Variants in INPP5D observed in about 807,000 individuals in gnomAD.
The protein encoded by INPP5D is inositol polyphosphate-5-phosphatase D, also known as phosphatidylinositol 3,4,5-trisphosphate 5-phosphatase 1.
INPP5D carries 33 observed loss-of-function variants against 122.9 expected under a neutral mutation model. That is an observed-to-expected ratio of 0.27 (90% CI 0.20 to 0.36). The LOEUF is 0.36. Among genes scored for constraint, INPP5D ranks in the 10% least tolerant of loss-of-function variants. The probability of loss-of-function intolerance (pLI) is 1.00; values close to 1 mark genes in which losing one functional copy is unlikely to be tolerated. For synonymous variants in INPP5D, 584 were observed against 576.2 expected, an observed-to-expected ratio of 1.01 and a Z score of -0.19; for missense variants, 1,053 against 1,412.7, an observed-to-expected ratio of 0.75 and a Z score of 4.08.
At chr2:233,087,391 G>A (rs996372072) in intron 2 of INPP5D, among the ~76,000 whole-genome samples, 21 of 152,006 alleles carry the variant, frequency 1.4e-4, no homozygotes, top group African/African-American at 4.3e-4. Flanking sequence ...GCACAATCTC[G>A]GCTCAGCTCA....
At position 233,170,523 on chromosome 2, in the gene INPP5D, A is replaced by C; in HGVS notation, c.1819A>C (p.Lys607Gln). The C allele has an allele frequency of 6.2e-7, 1 of 1,613,680 alleles. No homozygotes were observed. The highest frequency in any genetic ancestry group is 1.1e-5 in the South Asian group (1 of 91,060). ...WEAETIIQKI[K>Q]QQQYADLLSH... ...GGCAGAAACCATCATCCAGAAAATC[A>C]AGCAGCAGCAGTACGCAGACCTCCT... The change falls in exon 16 of 27, where the codon AAG becomes CAG. Residue 607 changes from lysine to glutamine, a missense_variant. By Grantham distance (53) the Lys-to-Gln change is moderately conservative. Coordinates refer to ENST00000445964, the MANE Select transcript of INPP5D (RefSeq NM_001017915.3). The surrounding 1 kb of genome is among the most constrained non-coding windows in gnomAD (Gnocchi z 4.5).
intron 25 of INPP5D, among the ~76,000 whole-genome samples, chr2:233,199,949 C>A (rs896771579): frequency 7.9e-5 from 12 of 152,216 alleles, no homozygotes; most frequent in African/African-American, 2.4e-4. Context: ...CCCTCCAGTT[C>A]CCCTCTTTTT....
chr2:233,187,323 C>T (rs992875850), intron 21 of INPP5D, among the ~76,000 whole-genome samples: 4 of 152,138 alleles, frequency 2.6e-5, no homozygotes, highest in African/African-American at 9.7e-5. Context: ...GTTTCTTTCT[C>T]GCACCATGAG....
intron 2 of INPP5D, among the ~76,000 whole-genome samples, chr2:233,108,454 G>A (rs116105440): frequency 0.023 from 3,480 of 152,312 alleles, 102 homozygotes; most frequent in African/African-American, 0.075. Flanking sequence ...AATATAAATT[G>A]CATCACATAT....
At chr2:233,118,483 G>T (rs1335714837) in intron 2 of INPP5D, among the ~76,000 whole-genome samples, 1 of 152,182 alleles carries the variant, frequency 6.6e-6, no homozygotes, top group Non-Finnish European at 1.5e-5. Flanking sequence ...TCCTGTTCTA[G>T]AATGTGCTTT....
chr2:233,139,530 C>T (rs921074638), intron 5 of INPP5D, among the ~76,000 whole-genome samples: 3 of 150,220 alleles, frequency 2.0e-5, no homozygotes, highest in African/African-American at 7.4e-5. Context: ...AGGTTGGGAA[C>T]CATGGATAAC....
chr2:233,116,105 G>T (rs543992280), intron 2 of INPP5D, among the ~76,000 whole-genome samples: 1 of 152,006 alleles, frequency 6.6e-6, no homozygotes, highest in South Asian at 2.1e-4. Flanking sequence ...TTGTTTGTTT[G>T]TTTTTTCTGC....
chr2:233,184,276 G>C lies in INPP5D; in HGVS notation c.2162-132G>C, dbSNP rs1312006610. ...GGTGCTGGATTTCGCTGTAGCTTTA[G>C]TTCTCCTCCCACTAGACTCCCACCT... is the stretch of plus-strand genomic sequence containing the variant. On this transcript the variant is annotated intron_variant, in intron 19 of 26. Transcript: ENST00000445964. The C allele has an allele frequency of 3.0e-6, 4 of 1,317,086 alleles. No individual in the cohort carries two copies. In the Admixed American group the frequency reaches 1.0e-4, roughly 33 times the overall value. The allele number at this position is 1,317,086 out of a possible 1,614,324, so 81.6% of individuals were successfully genotyped here. A position where few individuals can be genotyped will look rare whatever the true frequency, so the allele number is the denominator to read the frequency against.
rs887352033 is a variant in INPP5D at position 233,188,664 on chromosome 2, C to G, written c.2359-1186C>G. On this transcript the variant is annotated intron_variant, in intron 21 of 26. Coordinates refer to ENST00000445964, the MANE Select transcript of INPP5D (RefSeq NM_001017915.3). This position sits in a 1 kb window ranked among gnomAD's most constrained non-coding sequence, Gnocchi z 4.7. ...GCAACCTCCGCCTCCAAGGTTCAAG[C>G]GATTTGCCTGTCTCAGCCTCCCGAG... Among the ~76,000 whole-genome samples the G allele has an allele frequency of 1.3e-5, 2 of 152,306 alleles. No homozygotes were observed. The highest frequency in any genetic ancestry group is 2.1e-4 in the South Asian group (1 of 4,832).
intron 3 of INPP5D, among the ~76,000 whole-genome samples, chr2:233,124,727 T>TAGAG (rs1489880441): frequency 1.3e-4 from 20 of 152,260 alleles, no homozygotes; most frequent in African/African-American, 4.6e-4. Flanking sequence ...TGGGCCCCTC[T>TAGAG]GGGCATGGCT....
At chr2:233,083,852 T>C (rs1301258034) in intron 2 of INPP5D, among the ~76,000 whole-genome samples, 3 of 152,128 alleles carry the variant, frequency 2.0e-5, no homozygotes, top group African/African-American at 7.2e-5. Context: ...GCCCTTCGGC[T>C]CCACCCTACA....
chr2:233,153,550 CAG>C (rs1268251616), intron 9 of INPP5D, among the ~76,000 whole-genome samples: 2 of 152,172 alleles, frequency 1.3e-5, no homozygotes, highest in East Asian at 3.8e-4. Context: ...GAAGAAAAAA[CAG>C]AGACACTGAC....
chr2:233,146,655 G>A (rs573259384), intron 8 of INPP5D, among the ~76,000 whole-genome samples: 4 of 152,352 alleles, frequency 2.6e-5, no homozygotes, highest in African/African-American at 9.6e-5. Flanking sequence ...CCTTCGGAGG[G>A]AAGCTACAAG....
intron 1 of INPP5D, among the ~76,000 whole-genome samples, chr2:233,064,174 C>T (rs1008543491): frequency 2.0e-5 from 3 of 152,272 alleles, no homozygotes; most frequent in Non-Finnish European, 2.9e-5. Context: ...GTGGCCGGCT[C>T]AGCTGTCTGC....
In INPP5D at chr2:233,106,367, C is replaced by T. The variant is rs539315852; in HGVS notation, c.199-15740C>T. Reference sequence around the variant, plus strand: ...GCTGAAGGGCTGGAGTTTTCCTGGCCATCCTTTCTTATGGCAGATTGCAGG... The same window carrying T: ...GCTGAAGGGCTGGAGTTTTCCTGGCTATCCTTTCTTATGGCAGATTGCAGG... On this transcript the variant is annotated intron_variant, in intron 2 of 26. Transcript: ENST00000445964. 8.5e-5 allele frequency among the ~76,000 whole-genome samples: 13 copies of T among 152,316 alleles called. No individual in the cohort carries two copies. In the South Asian group the frequency reaches 2.5e-3, roughly 29 times the overall value.
intron 2 of INPP5D, among the ~76,000 whole-genome samples, chr2:233,097,926 G>A (rs548693617): frequency 4.4e-4 from 66 of 150,704 alleles, no homozygotes; most frequent in African/African-American, 1.1e-3. Flanking sequence ...TCACTCTGTC[G>A]CCTAGGCTGG....
rs574130566 is a variant in INPP5D at position 233,078,371 on chromosome 2, G to A, written c.135-964G>A. 6.6e-6 allele frequency among the ~76,000 whole-genome samples: 1 copy of A among 152,328 alleles called. No homozygotes were observed. Among genetic ancestry groups the A allele is most frequent in the South Asian group, 2.1e-4 (1 of 4,826 alleles). ...AGCTTCTAGAAAGAGAAGAGAATCT[G>A]GGATTCCTAGGACCTTCTTGTTAGA... is the stretch of plus-strand genomic sequence containing the variant. On this transcript the variant is annotated intron_variant, in intron 1 of 26. Transcript: ENST00000445964. The surrounding 1 kb of genome is among the most constrained non-coding windows in gnomAD (Gnocchi z 4.6).
chr2:233,065,151 G>A (rs1327268997), intron 1 of INPP5D, among the ~76,000 whole-genome samples: 2 of 152,172 alleles, frequency 1.3e-5, no homozygotes, highest in Non-Finnish European at 2.9e-5. Flanking sequence ...GAGCAAGCAT[G>A]TTAAAATGGA....
At chr2:233,194,488 C>CTTTT (rs544200839) in intron 23 of INPP5D, among the ~76,000 whole-genome samples, 1 of 88,712 alleles carries the variant, frequency 1.1e-5, no homozygotes. Flanking sequence ...TTCTAAACTG[C>CTTTT]TTTTTTTTTT....
Sources: gnomAD v4.1 joint callset for allele counts (sites outside exome capture counted in the v4.1 genomes callset) on GRCh38, gnomAD v4.1.1 for gene constraint, Gnocchi (gnomAD v3.1) non-coding constraint, MANE v1.5 for transcripts, NCBI Gene and HGNC (gene_info 2026-07-23, HGNC 2026-07-21) for gene names.